Variants in BICD1 observed in about 807,000 individuals in gnomAD.
BICD1 encodes the protein protein bicaudal D homolog 1.
BICD1 carries 35 observed loss-of-function variants against 92.5 expected under a neutral mutation model. That is an observed-to-expected ratio of 0.38 (90% CI 0.29 to 0.50). The LOEUF (loss-of-function observed/expected upper bound fraction) is 0.50, where lower values mean the gene tolerates loss of function less well. Among genes scored for constraint, BICD1 ranks in the 20% least tolerant of loss-of-function variants. The pLI is 0.93. For synonymous variants in BICD1, 429 were observed against 465.1 expected (o/e 0.92, Z 1.00); for missense variants, 950 against 1,189.8 (o/e 0.80, Z 2.97).
At chr12:32,278,851 G>C (rs1947343250) in intron 2 of BICD1, among the ~76,000 whole-genome samples, 1 of 146,652 alleles carries the variant, frequency 6.8e-6, no homozygotes, top group Non-Finnish European at 1.5e-5. Flanking sequence ...GCGAGACCCT[G>C]TCTCAAAGAA....
chr12:32,228,808 A>G (rs775968749), intron 2 of BICD1, among the ~76,000 whole-genome samples: 2 of 152,206 alleles, frequency 1.3e-5, no homozygotes, highest in Non-Finnish European at 2.9e-5. Flanking sequence ...CCTTCAAATG[A>G]AGCACATTTT....
rs369680044 is a variant in BICD1 at position 32,366,475 on chromosome 12, C to T, written c.2765-1195C>T. ...TCTCTACTAAAAATACAAAATTAGC[C>T]GGGTGTGGTGGCACATGCCTGTAAT... On this transcript the variant is annotated intron_variant, in intron 8 of 9. Coordinates refer to ENST00000652176, the MANE Select transcript of BICD1 (RefSeq NM_001714.4). Among the ~76,000 whole-genome samples the T allele has an allele frequency of 3.3e-5, 5 of 152,250 alleles. No homozygotes were observed. In the South Asian group the frequency reaches 8.3e-4, roughly 25 times the overall value.
chr12:32,354,785 AAT>A (rs1034229669), intron 8 of BICD1, among the ~76,000 whole-genome samples: 2 of 152,180 alleles, frequency 1.3e-5, no homozygotes, highest in African/African-American at 4.8e-5. Flanking sequence ...GATTTTTGAA[AAT>A]AGTTATTTTC....
At chr12:32,287,194 C>T (rs76292875) in intron 2 of BICD1, among the ~76,000 whole-genome samples, 8,933 of 152,192 alleles carry the variant, frequency 0.059, 355 homozygotes, top group East Asian at 0.21. Context: ...TTTCACTCAA[C>T]TCAGACTGAA....
chr12:32,164,110 T>C (rs1347103538), intron 1 of BICD1, among the ~76,000 whole-genome samples: 1 of 152,184 alleles, frequency 6.6e-6, no homozygotes, highest in African/African-American at 2.4e-5. Context: ...GAAACGAACT[T>C]AGAAGTGGCA....
chr12:32,117,735 C>CACAT (rs1268394426), intron 1 of BICD1, among the ~76,000 whole-genome samples: 9 of 134,524 alleles, frequency 6.7e-5, no homozygotes, highest in South Asian at 2.4e-4. Flanking sequence ...CACACACACA[C>CACAT]ATATATATAT....
At chr12:32,251,989 A>AATATATTTATAATACGTATTTATAATATT (rs1555156942) in intron 2 of BICD1, among the ~76,000 whole-genome samples, 1 of 104,278 alleles carries the variant, frequency 9.6e-6, no homozygotes, top group Non-Finnish European at 1.7e-5. Context: ...CTATATATAT[A>AATATATTTATAATACGTATTTATAATATT]ATATATTTAT....
chr12:32,296,295 G>A (rs1271722704), intron 3 of BICD1, among the ~76,000 whole-genome samples: 3 of 119,352 alleles, frequency 2.5e-5, no homozygotes, highest in Admixed American at 2.3e-4. Context: ...GTCTCGCTCC[G>A]TCACCAGGCT....
chr12:32,140,688 A>G (rs1565542175), intron 1 of BICD1, among the ~76,000 whole-genome samples: 1 of 152,202 alleles, frequency 6.6e-6, no homozygotes, highest in Non-Finnish European at 1.5e-5. Context: ...CTGTGTTTAC[A>G]GGAACTGTGT....
In BICD1 at chr12:32,167,769, T is replaced by A. The variant is rs1227994800; in HGVS notation, c.214-48478T>A. ...CCGCGCCTGGCCTATCATTCTTATT[T>A]GACAGGGATTTCCCTATTGCTGGGT... On this transcript the variant is annotated intron_variant, in intron 1 of 9. Transcript: ENST00000652176. 2.0e-5 allele frequency among the ~76,000 whole-genome samples: 3 copies of A among 152,290 alleles called. No individual in the cohort carries two copies. The East Asian group carries it at 5.8e-4, about 29-fold the overall frequency.
intron 1 of BICD1, among the ~76,000 whole-genome samples, chr12:32,158,487 A>G (rs1006160110): frequency 1.3e-5 from 2 of 152,190 alleles, no homozygotes; most frequent in African/African-American, 4.8e-5. Context: ...AAAATTTAAA[A>G]TAAAAAAAAA....
chr12:32,363,614 A>G (rs1939415421), intron 8 of BICD1, among the ~76,000 whole-genome samples: 1 of 149,504 alleles, frequency 6.7e-6, no homozygotes, highest in East Asian at 2.0e-4. Flanking sequence ...AGATATCACA[A>G]CCTCCAGGAA....
intron 8 of BICD1, among the ~76,000 whole-genome samples, chr12:32,354,506 C>T (rs1043719521): frequency 2.2e-4 from 34 of 152,246 alleles, no homozygotes; most frequent in African/African-American, 7.0e-4. Flanking sequence ...CAAGAGTATA[C>T]GCTATAATGG....
rs529403243 is a variant in BICD1 at position 32,252,294 on chromosome 12, C to T, written c.426+35835C>T. 8.8e-5 allele frequency among the ~76,000 whole-genome samples: 13 copies of T among 147,958 alleles called. No individual in the cohort carries two copies. The South Asian group carries it at 2.1e-3, about 24-fold the overall frequency. On this transcript the variant is annotated intron_variant, in intron 2 of 9. Coordinates refer to ENST00000652176, the MANE Select transcript of BICD1 (RefSeq NM_001714.4). ...TAAATTTGCCATGTTTGGAGGTTTT[C>T]GATGGTCCTAGCAAACCAGTTTCCC...
intron 8 of BICD1, among the ~76,000 whole-genome samples, chr12:32,343,342 T>C (rs28690346): frequency 0.56 from 84,391 of 151,740 alleles, 24,132 homozygotes; most frequent in East Asian, 0.74. Context: ...CCTCTTCCTC[T>C]TCCTCCTCCG....
rs763572118 is a variant in BICD1, at chr12:32,327,823, G to C, written c.1368G>C (p.Glu456Asp). ...ENYTDEKAKY[E>D]SKIQMYDEQV... ...ACACTGATGAGAAGGCCAAGTATGA[G>C]AGTAAAATCCAGATGTATGATGAGC... The change falls in exon 5 of 10, where the codon GAG becomes GAC. Residue 456 changes from glutamate (E) to aspartate (D), a missense_variant. Transcript: ENST00000652176. The C allele has an allele frequency of 1.2e-6, 2 of 1,614,104 alleles. No individual in the cohort carries two copies. The highest frequency in any genetic ancestry group is 1.7e-6 in the Non-Finnish European group (2 of 1,180,022).
intron 1 of BICD1, among the ~76,000 whole-genome samples, chr12:32,206,028 T>C (rs4931619): frequency 0.44 from 66,334 of 151,936 alleles, 14,816 homozygotes; most frequent in Admixed American, 0.58. Flanking sequence ...TTGTTGGATA[T>C]GTCAGTAGTT....
intron 2 of BICD1, among the ~76,000 whole-genome samples, chr12:32,253,781 C>T (rs1012756804): frequency 6.6e-6 from 1 of 152,174 alleles, no homozygotes; most frequent in Non-Finnish European, 1.5e-5. Flanking sequence ...CTGTATCTCA[C>T]CTGTCATATT....
chr12:32,355,737 G>T (rs1939069803), intron 8 of BICD1, among the ~76,000 whole-genome samples: 1 of 151,998 alleles, frequency 6.6e-6, no homozygotes, highest in African/African-American at 2.4e-5. Flanking sequence ...GGGAGGTGAA[G>T]ATTGCAGTGA....
Sources: allele counts gnomAD v4.1 joint callset (sites outside exome capture counted in the v4.1 genomes callset), GRCh38; gene constraint gnomAD v4.1.1; transcripts MANE v1.5; gene names NCBI Gene and HGNC (gene_info 2026-07-23, HGNC 2026-07-21).